The following LGALS8 variants were observed in gnomAD, a reference collection of about 807,000 sequenced individuals.
LGALS8 encodes galectin-8.
A neutral mutation model predicts 35.9 loss-of-function variants in LGALS8; 30 were observed. The observed-to-expected ratio is 0.83, with a 90% CI of 0.62 to 1.13. The LOEUF (loss-of-function observed/expected upper bound fraction) is 1.13, where lower values mean the gene tolerates loss of function less well. Ranked by LOEUF, LGALS8 falls within the 50% of genes most tolerant of loss-of-function variation. The probability of loss-of-function intolerance (pLI) is 0.00; values close to 1 mark genes in which losing one functional copy is unlikely to be tolerated. For synonymous variants in LGALS8, 138 were observed against 136.1 expected, an observed-to-expected ratio of 1.01 and a Z score of -0.10; for missense variants, 366 against 388.7, an observed-to-expected ratio of 0.94 and a Z score of 0.49.
chr1:236,526,057 G>T lies in LGALS8; in HGVS notation c.-14G>T. 1 of 1,610,042 alleles carries T rather than the reference G, an allele frequency of 6.2e-7. No homozygotes were observed. The highest frequency in any genetic ancestry group is 8.5e-7 in the Non-Finnish European group (1 of 1,176,718). The stretch of plus-strand genomic sequence containing the variant: ...ACACAGAAGAGACTCCAATCGACAA[G>T]AAGCTGGAAAAGAATGATGTTGTCC... On this transcript the variant is annotated 5_prime_UTR_variant, in exon 2 of 10. Coordinates refer to ENST00000366584, the MANE Select transcript of LGALS8 (RefSeq NM_201544.4). The surrounding 1 kb of genome is among the most constrained non-coding windows in gnomAD (Gnocchi z 4.6).
chr1:236,539,004 G>T lies in LGALS8; in HGVS notation c.260G>T (p.Gly87Val), dbSNP rs1661767281. ...AATACTTTGATAAATGAAAAATGGGGACGGGAAGAGATCACCTATGACACG... is the reference window on the plus strand; with the variant it reads ...AATACTTTGATAAATGAAAAATGGGTACGGGAAGAGATCACCTATGACACG... ...VCNTLINEKW[G>V]REEITYDTPF... Residue 87 changes from glycine to valine, a missense_variant, in exon 4 of 10, where the codon GGA (glycine) becomes GTA (valine). Transcript: ENST00000366584. 14 of 1,614,052 alleles carry T rather than the reference G, an allele frequency of 8.7e-6. No homozygotes were observed. The highest frequency in any genetic ancestry group is 1.1e-5 in the Non-Finnish European group (13 of 1,180,038).
chr1:236,535,957 G>A (rs1661467803), intron 2 of LGALS8, among the ~76,000 whole-genome samples: 1 of 152,170 alleles, frequency 6.6e-6, no homozygotes, highest in African/African-American at 2.4e-5. Flanking sequence ...ATCGTCTCTT[G>A]ACCTGTGTCC....
rs750578241 is a variant in LGALS8 at position 236,543,610 on chromosome 1, T to C, written c.600T>C (p.Thr200=). 5.6e-6 allele frequency: 9 copies of C among 1,614,132 alleles called. No individual in the cohort carries two copies. The highest frequency in any genetic ancestry group is 7.6e-6 in the Non-Finnish European group (9 of 1,179,994). The change falls in exon 8 of 10, where the codon ACT becomes ACC. Residue 200 remains threonine (T), a synonymous_variant. Coordinates refer to ENST00000366584, the MANE Select transcript of LGALS8 (RefSeq NM_201544.4). The stretch of plus-strand genomic sequence containing the variant: ...ACACCCCCATGGGCCCTGGACGAAC[T>C]GTCGTCGTTAAAGGAGAAGTGAATG... ...RLNTPMGPGR[T]VVVKGEVNAN...
At chr1:236,532,238 C>G (rs561205711) in intron 2 of LGALS8, among the ~76,000 whole-genome samples, 21 of 152,312 alleles carry the variant, frequency 1.4e-4, no homozygotes, top group African/African-American at 5.1e-4. Flanking sequence ...CAGACACCAG[C>G]CAGGGGCCTG....
At chr1:236,544,983 C>A in intron 9 of LGALS8, 68 bp downstream of exon 9, 2 of 1,240,816 alleles carry the variant, frequency 1.6e-6, no homozygotes, top group Non-Finnish European at 2.3e-6. Context: ...GATAAGTGGT[C>A]CATTTAAATC....
In LGALS8 at chr1:236,551,319, A is replaced by G. The variant is rs567594512; in HGVS notation, c.*3158A>G. On this transcript the variant is annotated 3_prime_UTR_variant, in exon 10 of 10. Coordinates refer to ENST00000366584, the MANE Select transcript of LGALS8 (RefSeq NM_201544.4). Reference sequence around the variant, plus strand: ...AGGAGAATGTACTTTTGTAGCTTAGATAAGCAATGAATCAGTAAAGGACTG... The same window carrying G: ...AGGAGAATGTACTTTTGTAGCTTAGGTAAGCAATGAATCAGTAAAGGACTG... 2.1e-5 allele frequency: 6 copies of G among 284,188 alleles called. No individual in the cohort carries two copies. Among genetic ancestry groups the G allele is most frequent in the Admixed American group, 1.9e-4 (4 of 20,616 alleles). The allele number at this position is 284,188 out of a possible 1,614,324, so 17.6% of individuals were successfully genotyped here.
chr1:236,524,482 A>G (rs3820564), intron 1 of LGALS8: 30,917 of 455,054 alleles, frequency 0.068, 1,933 homozygotes, highest in African/African-American at 0.24. Flanking sequence ...TTGTAGTGAC[A>G]GTGGAGTGAC....
At chr1:236,534,318 T>G (rs1661332346) in intron 2 of LGALS8, among the ~76,000 whole-genome samples, 1 of 152,224 alleles carries the variant, frequency 6.6e-6, no homozygotes, top group South Asian at 2.1e-4. Context: ...AGCTGCAGTC[T>G]GCCTAATAGA....
intron 4 of LGALS8, 162 bp from the exon 5 acceptor site, chr1:236,540,402 T>C (rs1044226274): frequency 1.5e-5 from 10 of 647,392 alleles, no homozygotes; most frequent in African/African-American, 1.5e-4. Flanking sequence ...GCACTGCTAG[T>C]GTTTTGGGTG....
At chr1:236,532,936 C>G (rs1661232402) in intron 2 of LGALS8, among the ~76,000 whole-genome samples, 1 of 152,184 alleles carries the variant, frequency 6.6e-6, no homozygotes, top group Non-Finnish European at 1.5e-5. Flanking sequence ...TCCTTTGAAA[C>G]ATCTCTTGGA....
upstream of LGALS8, chr1:236,523,087 A>G (rs1558152234): frequency 6.6e-6 from 1 of 152,224 alleles, no homozygotes; most frequent in Non-Finnish European, 1.5e-5. Context: ...GGCTGACATG[A>G]CTTTGTTTAA....
upstream of LGALS8, chr1:236,522,971 T>G (rs1660599282): frequency 6.6e-6 from 1 of 152,200 alleles, no homozygotes; most frequent in African/African-American, 2.4e-5. Context: ...TTAATGACAC[T>G]AAAATATATC....
At chr1:236,536,806 G>C (rs1350227413) in intron 2 of LGALS8, 1 of 152,126 alleles carries the variant, frequency 6.6e-6, no homozygotes, top group Non-Finnish European at 1.5e-5. Context: ...GGGATCAGCA[G>C]TGGAACAGTA....
At chr1:236,524,385 G>T (rs1244490755) in intron 1 of LGALS8, 1 of 456,610 alleles carries the variant, frequency 2.2e-6, no homozygotes, top group Non-Finnish European at 4.4e-6. Flanking sequence ...CACCCCACCT[G>T]GGCTGCTTTC....
chr1:236,518,751 CT>C (rs1463712484), upstream of LGALS8, among the ~76,000 whole-genome samples: 1 of 152,056 alleles, frequency 6.6e-6, no homozygotes, highest in African/African-American at 2.4e-5. Context: ...TCTTGATACT[CT>C]TTTATCATAT....
chr1:236,544,249 C>G (rs1662219616), intron 8 of LGALS8, among the ~76,000 whole-genome samples: 1 of 152,248 alleles, frequency 6.6e-6, no homozygotes, highest in Non-Finnish European at 1.5e-5. Context: ...CCACGCCCAG[C>G]CCAGGCAACA....
rs898906290 is a variant in LGALS8 at position 236,528,186 on chromosome 1, G to C, written c.45+2071G>C. On this transcript the variant is annotated intron_variant, in intron 2 of 9. Transcript: ENST00000366584. ...TCACGAGGTCAGGAGTTCAAGACCA[G>C]CCTGGCCAAGATGGCGAAACTCCGT... 2.0e-5 allele frequency among the ~76,000 whole-genome samples: 3 copies of C among 152,090 alleles called. No individual in the cohort carries two copies. The East Asian group carries it at 5.8e-4, about 29-fold the overall frequency.
chr1:236,528,545 A>ATTTTTTTTTTT (rs1558155850), intron 2 of LGALS8, among the ~76,000 whole-genome samples: 3 of 68,424 alleles, frequency 4.4e-5, no homozygotes, highest in African/African-American at 1.5e-4. Context: ...TAATGTTTCC[A>ATTTTTTTTTTT]ATTTTTTTTT....
intron 2 of LGALS8, among the ~76,000 whole-genome samples, chr1:236,528,232 A>C (rs2853621): frequency 0.59 from 89,039 of 151,466 alleles, 27,513 homozygotes; most frequent in Non-Finnish European, 0.68. Context: ...AAATACAAAA[A>C]TTAGCCAGGC....
Sources: gnomAD v4.1 joint callset for allele counts (sites outside exome capture counted in the v4.1 genomes callset) on GRCh38, gnomAD v4.1.1 for gene constraint, Gnocchi (gnomAD v3.1) non-coding constraint, MANE v1.5 for transcripts, NCBI Gene and HGNC (gene_info 2026-07-23, HGNC 2026-07-21) for gene names.